MCCC1: variants seen among roughly 807,000 people sequenced by gnomAD.
MCCC1 encodes methylcrotonoyl-CoA carboxylase subunit alpha, mitochondrial.
In MCCC1, 64 loss-of-function variants were observed where a neutral mutation model predicts 83.8. The ratio of observed to expected loss-of-function variants is 0.76; its 90% CI spans 0.62 to 0.94. The LOEUF (loss-of-function observed/expected upper bound fraction) is 0.94, where lower values mean the gene tolerates loss of function less well. MCCC1 is among the 40% of genes least tolerant of loss of function. The pLI, the probability that MCCC1 is intolerant of heterozygous loss-of-function variation, is 0.00. For synonymous variants in MCCC1, 322 were observed against 315.4 expected, an observed-to-expected ratio of 1.02 and a Z score of -0.22; for missense variants, 807 against 904.7, an observed-to-expected ratio of 0.89 and a Z score of 1.39.
chr3:183,034,323 C>A (rs553677821), intron 13 of MCCC1, among the ~76,000 whole-genome samples: 1 of 151,792 alleles, frequency 6.6e-6, no homozygotes. Context: ...TGGTGACGGG[C>A]GCCTCTAGTC....
intron 14 of MCCC1, among the ~76,000 whole-genome samples, chr3:183,030,489 C>A (rs1431435339): frequency 2.0e-5 from 3 of 152,216 alleles, no homozygotes; most frequent in African/African-American, 7.2e-5. Context: ...AAGAGTTGGC[C>A]TGGGCAGCTT....
intron 8 of MCCC1, among the ~76,000 whole-genome samples, chr3:183,053,047 T>A (rs1040047126): frequency 1.3e-5 from 2 of 152,070 alleles, no homozygotes; most frequent in Non-Finnish European, 2.9e-5. Context: ...GCTCCATAGA[T>A]GTTATTGACC....
At chr3:183,027,558 G>A (rs561687995) in intron 14 of MCCC1, among the ~76,000 whole-genome samples, 1 of 152,178 alleles carries the variant, frequency 6.6e-6, no homozygotes, top group South Asian at 2.1e-4. Context: ...ACTCACGCCT[G>A]TAATCCCAGT....
chr3:183,111,672 C>T (rs987372145), intron 1 of MCCC1, among the ~76,000 whole-genome samples: 1 of 152,158 alleles, frequency 6.6e-6, no homozygotes, highest in Non-Finnish European at 1.5e-5. Flanking sequence ...CAGGAAAGAC[C>T]AGGAGGTCCA....
rs142513139 is a variant in MCCC1, at chr3:183,045,512, T to A, written c.984A>T (p.Lys328Asn). The change falls in exon 10 of 19, where the codon AAA (lysine) becomes AAT (asparagine). Residue 328 changes from lysine to asparagine, a missense_variant. Physicochemically the swap from Lys to Asn is moderately conservative, Grantham distance 94 (BLOSUM62 0). Transcript: ENST00000265594. ...AGTVEFIMDS[K>N]HNFCFMEMNT... ...TCATCTCCATGAAACAGAAATTATG[T>A]TTTGAGTCCATAATAAACTCCACAG... 1.3e-4 allele frequency: 217 copies of A among 1,614,108 alleles called. 1 individual carries two copies. In the African/African-American group the frequency reaches 2.5e-3, roughly 19 times the overall value.
Position 183,020,154 on chromosome 3 carries a change from A to G in MCCC1, c.1953T>C (p.Ala651=). The G allele has an allele frequency of 6.2e-7, 1 of 1,613,864 alleles. No individual in the cohort carries two copies. Among genetic ancestry groups the G allele is most frequent in the South Asian group, 1.1e-5 (1 of 91,080 alleles). ...CCTTTTCAATGGTTCCAGTCATAGG[A>G]GCTAAGGGGCCGCCCTGAGTTTCTT... ...SSQETQGGPL[A]PMTGTIEKVF... is the part of the protein sequence containing the mutation. The change falls in exon 17 of 19, where the codon GCT becomes GCC. Residue 651 remains alanine, a synonymous_variant. Coordinates refer to ENST00000265594, the MANE Select transcript of MCCC1 (RefSeq NM_020166.5).
At chr3:183,038,386 G>A (rs1443118862) in intron 12 of MCCC1, among the ~76,000 whole-genome samples, 1 of 152,194 alleles carries the variant, frequency 6.6e-6, no homozygotes, top group East Asian at 1.9e-4. Context: ...ATGGCTCCAT[G>A]CTGAGTGAGT....
At chr3:183,091,994 G>GT (rs1212839944) in intron 3 of MCCC1, among the ~76,000 whole-genome samples, 1 of 151,910 alleles carries the variant, frequency 6.6e-6, no homozygotes. Flanking sequence ...GGAGCTTGCA[G>GT]TGAGTCGGGA....
At chr3:183,048,905 A>T (rs1235324810) in intron 9 of MCCC1, among the ~76,000 whole-genome samples, 1 of 152,242 alleles carries the variant, frequency 6.6e-6, no homozygotes, top group African/African-American at 2.4e-5. Flanking sequence ...GTCTGCTCTC[A>T]GAACATAACA....
intron 3 of MCCC1, among the ~76,000 whole-genome samples, chr3:183,087,784 T>A (rs1718004230): frequency 5.0e-4 from 1 of 2,014 alleles, no homozygotes. Context: ...GGCAGGAGAA[T>A]GGCGTGAACA....
intron 4 of MCCC1, among the ~76,000 whole-genome samples, chr3:183,077,599 A>C (rs1047337961): frequency 6.7e-6 from 1 of 148,826 alleles, no homozygotes; most frequent in East Asian, 1.9e-4. Context: ...TCCTAGCAAC[A>C]GTTTCAAGCT....
rs567116244 is a variant in MCCC1, at chr3:183,099,372, C to G, written c.69G>C (p.Pro23=). 1.6e-5 allele frequency: 25 copies of G among 1,601,954 alleles called. No individual in the cohort carries two copies. In the African/African-American group the frequency reaches 2.1e-4, roughly 14 times the overall value. ...AAERNRWHRL[P]SLLLPPRTWV... is the part of the protein sequence containing the mutation. ...CCCACCTCGGCGGCAGGAGCAGGCT[C>G]GGGAGACGATGCCACCGGTTCCTCT... The change falls in exon 1 of 19, where the codon CCG becomes CCC. Residue 23 remains proline, a synonymous_variant. Transcript: ENST00000265594.
chr3:183,103,563 C>T (rs1169874454), upstream of MCCC1, among the ~76,000 whole-genome samples: 2 of 152,152 alleles, frequency 1.3e-5, no homozygotes, highest in Non-Finnish European at 2.9e-5. Flanking sequence ...CATTCACAAA[C>T]CCTGAGCTAG....
chr3:183,092,327 T>G, intron 3 of MCCC1, 82 bp downstream of exon 3: 2 of 1,560,860 alleles, frequency 1.3e-6, no homozygotes, highest in Non-Finnish European at 1.8e-6. Flanking sequence ...CTAGCAAATA[T>G]CAACTGTCAT....
In MCCC1 at chr3:183,064,284, T is replaced by C. The variant is rs899496936; in HGVS notation, c.761+6715A>G. Among the ~76,000 whole-genome samples the C allele has an allele frequency of 6.9e-6, 1 of 145,060 alleles. No homozygotes were observed. The highest frequency in any genetic ancestry group is 2.2e-4 in the South Asian group (1 of 4,502). The stretch of plus-strand genomic sequence containing the variant: ...CTAGAAAAGATCCCCCTTTTTTTTT[T>C]AATTCCAAGTGATAACTCTGTATTC... On this transcript the variant is annotated intron_variant, in intron 7 of 18. Coordinates refer to ENST00000265594, the MANE Select transcript of MCCC1 (RefSeq NM_020166.5). This position sits in a 1 kb window ranked among gnomAD's most constrained non-coding sequence, Gnocchi z 4.5.
chr3:183,099,379 C>G lies in MCCC1; in HGVS notation c.62G>C (p.Arg21Pro), dbSNP rs1204217115. Residue 21 changes from arginine to proline, a missense_variant, in exon 1 of 19, where the codon CGT becomes CCT. Transcript: ENST00000265594. Reference sequence around the variant, plus strand: ...CGGCGGCAGGAGCAGGCTCGGGAGACGATGCCACCGGTTCCTCTCCGCCGC... The same window carrying G: ...CGGCGGCAGGAGCAGGCTCGGGAGAGGATGCCACCGGTTCCTCTCCGCCGC... ...LVAAERNRWH[R>P]LPSLLLPPRT... The G allele has an allele frequency of 2.5e-6, 4 of 1,602,992 alleles. No homozygotes were observed. Among genetic ancestry groups the G allele is most frequent in the South Asian group, 2.2e-5 (2 of 89,748 alleles).
intron 7 of MCCC1, among the ~76,000 whole-genome samples, chr3:183,058,403 C>G (rs537710648): frequency 6.6e-6 from 1 of 152,088 alleles, no homozygotes; most frequent in African/African-American, 2.4e-5. Flanking sequence ...ACTGCTTGAA[C>G]CCAGGAGTTC....
chr3:183,067,283 T>A (rs1560252914), intron 7 of MCCC1, among the ~76,000 whole-genome samples: 2 of 152,130 alleles, frequency 1.3e-5, no homozygotes, highest in Admixed American at 6.6e-5. Flanking sequence ...AGGAGAAAAA[T>A]TTACCCAACT....
chr3:183,030,189 T>C (rs1237530594), intron 14 of MCCC1, among the ~76,000 whole-genome samples: 1 of 152,112 alleles, frequency 6.6e-6, no homozygotes, highest in Non-Finnish European at 1.5e-5. Flanking sequence ...ACACCTGTAG[T>C]CCCAGCTACT....
Sources: allele counts gnomAD v4.1 joint callset (sites outside exome capture counted in the v4.1 genomes callset), GRCh38; gene constraint gnomAD v4.1.1; non-coding constraint Gnocchi (gnomAD v3.1); transcripts MANE v1.5; gene names NCBI Gene and HGNC (gene_info 2026-07-23, HGNC 2026-07-21).